The following NIPAL3 variants were observed in gnomAD, a reference collection of about 807,000 sequenced individuals.
The protein encoded by NIPAL3 is NIPA like domain containing 3.
Under a neutral mutation model 47.2 loss-of-function variants are expected in NIPAL3, and 41 were observed. That is an observed-to-expected ratio of 0.87 (90% CI 0.68 to 1.13). The LOEUF is 1.13. NIPAL3 is among the 50% of genes most tolerant of loss of function. The pLI is 0.00. For missense variants in NIPAL3, 449 were observed against 530.1 expected, an observed-to-expected ratio of 0.85 and a Z score of 1.50; for synonymous variants, 194 against 209.6, an observed-to-expected ratio of 0.93 and a Z score of 0.64.
chr1:24,425,631 A>C (rs1315911644), intron 2 of NIPAL3, among the ~76,000 whole-genome samples: 1 of 152,014 alleles, frequency 6.6e-6, no homozygotes, highest in Non-Finnish European at 1.5e-5. Flanking sequence ...TCTTTTTAGG[A>C]GACAGAGTCT....
chr1:24,426,228 T>C (rs551294048), intron 2 of NIPAL3, among the ~76,000 whole-genome samples: 1 of 152,188 alleles, frequency 6.6e-6, no homozygotes, highest in East Asian at 1.9e-4. Flanking sequence ...AGAGTGACCG[T>C]GGTCCCGGTT....
chr1:24,452,346 G>T (rs1645977766), intron 6 of NIPAL3, among the ~76,000 whole-genome samples: 1 of 152,208 alleles, frequency 6.6e-6, no homozygotes, highest in African/African-American at 2.4e-5. Context: ...GAGCCAGACT[G>T]TCCAGGTTTA....
chr1:24,419,636 A>G lies in NIPAL3; in HGVS notation c.89A>G (p.Tyr30Cys). ...SSAVSEASFSYKENLIGALLA... is the reference protein window; with the variant it reads ...SSAVSEASFSCKENLIGALLA... ...GCCGTAAGCGAGGCCTCCTTCTCCT[A>G]CAAGGCAAGGGCTTTTTTGGGGTTT... Residue 30 changes from tyrosine (Y) to cysteine (C), a missense_variant, in exon 2 of 12, where the codon TAC becomes TGC. Physicochemically the swap from Tyr to Cys is radical, Grantham distance 194 (BLOSUM62 -2). Transcript: ENST00000374399. The G allele has an allele frequency of 6.2e-7, 1 of 1,613,716 alleles. No individual in the cohort carries two copies. The highest frequency in any genetic ancestry group is 8.5e-7 in the Non-Finnish European group (1 of 1,179,750).
In NIPAL3 at chr1:24,440,920, G is replaced by C. The variant is rs574668139; in HGVS notation, c.162+680G>C. Among the ~76,000 whole-genome samples the C allele has an allele frequency of 8.0e-4, 122 of 152,298 alleles. 4 individuals are homozygous for C. The South Asian group carries it at 0.012, about 15-fold the overall frequency. On this transcript the variant is annotated intron_variant, in intron 3 of 11. Transcript: ENST00000374399. ...TTTTCAGAGGGTCCCCTGTGGGACT[G>C]AGTCCCAGTTGCCCACGGGACTAAT...
chr1:24,449,769 G>C lies in NIPAL3; in HGVS notation c.540+143G>C, dbSNP rs78459456. On this transcript the variant is annotated intron_variant, in intron 6 of 11. Coordinates refer to ENST00000374399, the MANE Select transcript of NIPAL3 (RefSeq NM_020448.5). This position sits in a 1 kb window ranked among gnomAD's most constrained non-coding sequence, Gnocchi z 4.5. ...GCATGAAAGACCGTGCTTCTGGAGA[G>C]TACACAGCTCATGGCGAAATGCTTG... is the stretch of plus-strand genomic sequence containing the variant. 1.8e-4 allele frequency: 150 copies of C among 842,320 alleles called. 1 individual carries two copies. In the African/African-American group the frequency reaches 2.1e-3, roughly 12 times the overall value. The allele number at this position is 842,320 out of a possible 1,614,324, so 52.2% of individuals were successfully genotyped here.
At chr1:24,466,128 C>T (rs760366901) in intron 11 of NIPAL3, 74 of 1,581,010 alleles carry the variant, frequency 4.7e-5, no homozygotes, top group Non-Finnish European at 5.8e-5. Flanking sequence ...AAAATGAGAT[C>T]GAGAAACAGC....
At position 24,453,416 on chromosome 1, in the gene NIPAL3, G is replaced by A. The variant is rs367843159; in HGVS notation, c.549G>A (p.Glu183=). ...SWPFLLYMLV[E]IILFCLLLYF... is the part of the protein sequence containing the mutation. Reference sequence around the variant, plus strand: ...CTTGCTGCCTTCCACAGCTGGTGGAGATCATTCTGTTCTGCTTGCTGCTCT... The same window carrying A: ...CTTGCTGCCTTCCACAGCTGGTGGAAATCATTCTGTTCTGCTTGCTGCTCT... Residue 183 remains glutamate, a synonymous_variant, in exon 7 of 12, where the codon GAG becomes GAA. Coordinates refer to ENST00000374399, the MANE Select transcript of NIPAL3 (RefSeq NM_020448.5). 7.3e-5 allele frequency: 117 copies of A among 1,612,932 alleles called. No individual in the cohort carries two copies. Among genetic ancestry groups the A allele is most frequent in the Non-Finnish European group, 9.6e-5 (113 of 1,179,398 alleles).
Position 24,443,714 on chromosome 1 carries a change from T to C in NIPAL3, c.335-1471T>C, listed in dbSNP as rs1488284734. Among the ~76,000 whole-genome samples the C allele has an allele frequency of 5.9e-5, 9 of 152,228 alleles. No homozygotes were observed. In the East Asian group the frequency reaches 1.3e-3, roughly 23 times the overall value. ...AAGTGAATGAGGTCCTCAGACATGGTGTGTGTTTTTTCCCACACAGTACTT... is the reference window on the plus strand; with the variant it reads ...AAGTGAATGAGGTCCTCAGACATGGCGTGTGTTTTTTCCCACACAGTACTT... On this transcript the variant is annotated intron_variant, in intron 4 of 11. Transcript: ENST00000374399.
At chr1:24,443,641 A>G (rs567736403) in intron 4 of NIPAL3, among the ~76,000 whole-genome samples, 82 of 152,362 alleles carry the variant, frequency 5.4e-4, no homozygotes, top group Admixed American at 3.2e-3. Context: ...TGATCCTGTT[A>G]TAAGTCCCGG....
In NIPAL3 at chr1:24,451,983, G is replaced by A. The variant is rs866158586; in HGVS notation, c.541-1425G>A. 2.6e-5 allele frequency among the ~76,000 whole-genome samples: 4 copies of A among 152,190 alleles called. No homozygotes were observed. The highest frequency in any genetic ancestry group is 5.9e-5 in the Non-Finnish European group (4 of 68,044). On this transcript the variant is annotated intron_variant, in intron 6 of 11. Transcript: ENST00000374399. This position sits in a 1 kb window ranked among gnomAD's most constrained non-coding sequence, Gnocchi z 4.5. ...ACAAAGAAGAAACGGGGAAATGAAA[G>A]CAGCTGTGTTTTATGGTCTCTAATT...
In NIPAL3 at chr1:24,469,381, T is replaced by G; in HGVS notation, c.*196T>G. The G allele has an allele frequency of 1.8e-6, 1 of 564,730 alleles. No homozygotes were observed. The highest frequency in any genetic ancestry group is 2.4e-5 in the South Asian group (1 of 40,824). The allele number at this position is 564,730 out of a possible 1,614,324, so 35.0% of individuals were successfully genotyped here. On this transcript the variant is annotated 3_prime_UTR_variant, in exon 12 of 12. Coordinates refer to ENST00000374399, the MANE Select transcript of NIPAL3 (RefSeq NM_020448.5). The stretch of plus-strand genomic sequence containing the variant: ...ATTTCAAATGATGAGGGTTGGGGGA[T>G]GGAAGCATTATTCCAGGTGGACGGG...
rs768746097 is a variant in NIPAL3 at position 24,458,932 on chromosome 1, C to A, written c.818C>A (p.Ala273Asp). The change falls in exon 9 of 12, where the codon GCC (alanine) becomes GAC (aspartate). Residue 273 changes from alanine to aspartate, a missense_variant. Ala to Asp is a moderately radical substitution (Grantham distance 126). Coordinates refer to ENST00000374399, the MANE Select transcript of NIPAL3 (RefSeq NM_020448.5). ...ASQMYDSSLIASVGYILSTTI... is the reference protein window; with the variant it reads ...ASQMYDSSLIDSVGYILSTTI... ...CAGATGTACGACTCCTCTTTGATTG[C>A]CAGTGTGGGCTACATTCTGTCCACA... 1 of 1,614,078 alleles carries A rather than the reference C, an allele frequency of 6.2e-7. No individual in the cohort carries two copies. Among genetic ancestry groups the A allele is most frequent in the East Asian group, 2.2e-5 (1 of 44,884 alleles).
At position 24,419,440 on chromosome 1, in the gene NIPAL3, C is replaced by T; in HGVS notation, c.-108C>T. Reference sequence around the variant, plus strand: ...TTTTGTCATGAGGAAGTGACGGCTGCTGGAGGGAGGTGAACACCACAAGGA... The same window carrying T: ...TTTTGTCATGAGGAAGTGACGGCTGTTGGAGGGAGGTGAACACCACAAGGA... On this transcript the variant is annotated 5_prime_UTR_variant, in exon 2 of 12. Transcript: ENST00000374399. The T allele has an allele frequency of 7.3e-7, 1 of 1,378,500 alleles. No individual in the cohort carries two copies. The highest frequency in any genetic ancestry group is 9.4e-7 in the Non-Finnish European group (1 of 1,061,976). The allele number at this position is 1,378,500 out of a possible 1,614,324, so 85.4% of individuals were successfully genotyped here.
Position 24,449,688 on chromosome 1 carries a change from C to A in NIPAL3, c.540+62C>A. On this transcript the variant is annotated intron_variant, in intron 6 of 11. Transcript: ENST00000374399. This position sits in a 1 kb window ranked among gnomAD's most constrained non-coding sequence, Gnocchi z 4.5. ...AGGAGGGAGATCAAGTCCTAGAAAC[C>A]AGAAACGTGAATACCCAGCAATAGG... 1 of 1,550,260 alleles carries A rather than the reference C, an allele frequency of 6.5e-7. No individual in the cohort carries two copies. The highest frequency in any genetic ancestry group is 1.4e-5 in the African/African-American group (1 of 73,716).
At chr1:24,456,567 A>G (rs997093323) in intron 8 of NIPAL3, among the ~76,000 whole-genome samples, 28 of 152,170 alleles carry the variant, frequency 1.8e-4, no homozygotes, top group African/African-American at 5.8e-4. Context: ...CCTGGCCAAC[A>G]TGGTGAAACC....
Position 24,449,545 on chromosome 1 carries a change from A to G in NIPAL3, c.459A>G (p.Thr153=). ...TCGTGGGTACCTACCTGCTGGTGAC[A>G]TTCGCACCCAACAGTCACGAGAAGA... is the stretch of plus-strand genomic sequence containing the variant. The part of the protein sequence containing the change: ...LAVVGTYLLV[T]FAPNSHEKMT... The change falls in exon 6 of 12, where the codon ACA becomes ACG. Residue 153 remains threonine (T), a synonymous_variant. Transcript: ENST00000374399. The surrounding 1 kb of genome is among the most constrained non-coding windows in gnomAD (Gnocchi z 4.5). 1 of 1,614,120 alleles carries G rather than the reference A, an allele frequency of 6.2e-7. No individual in the cohort carries two copies. Among genetic ancestry groups the G allele is most frequent in the South Asian group, 1.1e-5 (1 of 91,076 alleles).
intron 2 of NIPAL3, among the ~76,000 whole-genome samples, chr1:24,429,765 C>T (rs186467920): frequency 7.2e-5 from 11 of 152,286 alleles, no homozygotes; most frequent in Admixed American, 5.9e-4. Context: ...GCTTAAGTAT[C>T]ATTTTACTGG....
At chr1:24,424,418 T>C (rs1260980327) in intron 2 of NIPAL3, among the ~76,000 whole-genome samples, 1 of 152,076 alleles carries the variant, frequency 6.6e-6, no homozygotes, top group Non-Finnish European at 1.5e-5. Context: ...ATGCTGGAAA[T>C]ATGTGACTCA....
intron 2 of NIPAL3, among the ~76,000 whole-genome samples, chr1:24,434,289 A>T (rs1645004011): frequency 6.6e-6 from 1 of 152,222 alleles, no homozygotes; most frequent in African/African-American, 2.4e-5. Flanking sequence ...GGAGAGCTGG[A>T]GTAACTATAC....
Sources: allele counts gnomAD v4.1 joint callset (sites outside exome capture counted in the v4.1 genomes callset), GRCh38; gene constraint gnomAD v4.1.1; non-coding constraint Gnocchi (gnomAD v3.1); transcripts MANE v1.5; gene names NCBI Gene and HGNC (gene_info 2026-07-23, HGNC 2026-07-21).